TCF7L1: variants seen among roughly 807,000 people sequenced by gnomAD.
The protein encoded by TCF7L1 is transcription factor 7-like 1.
TCF7L1 carries 18 observed loss-of-function variants against 63.7 expected under a neutral mutation model. The ratio of observed to expected loss-of-function variants is 0.28; its 90% CI spans 0.20 to 0.42. The LOEUF (loss-of-function observed/expected upper bound fraction) is 0.42. TCF7L1 is among the 10% of genes least tolerant of loss of function. The pLI, the probability that TCF7L1 is intolerant of heterozygous loss-of-function variation, is 1.00. For synonymous variants in TCF7L1, 355 were observed against 340.9 expected (o/e 1.04, Z -0.46); for missense variants, 654 against 779.3 (o/e 0.84, Z 1.91).
intron 3 of TCF7L1, among the ~76,000 whole-genome samples, chr2:85,234,322 G>T (rs1680150906): frequency 6.6e-6 from 1 of 151,766 alleles, no homozygotes; most frequent in African/African-American, 2.4e-5. Flanking sequence ...TTTTAGTAGA[G>T]ATGGGTTTTC....
intron 4 of TCF7L1, among the ~76,000 whole-genome samples, chr2:85,284,155 CAT>C (rs1681486720): frequency 6.6e-6 from 1 of 152,226 alleles, no homozygotes; most frequent in Non-Finnish European, 1.5e-5. Context: ...GGACTACAGG[CAT>C]GTGCCACCAC....
chr2:85,298,197 A>AAAAAAAAAAAAAAAC (rs1681876878), intron 4 of TCF7L1, among the ~76,000 whole-genome samples: 1 of 145,654 alleles, frequency 6.9e-6, no homozygotes, highest in Non-Finnish European at 1.5e-5. Context: ...ATCTCAAAAA[A>AAAAAAAAAAAAAAAC]AAAAAAAAAG....
intron 3 of TCF7L1, among the ~76,000 whole-genome samples, chr2:85,180,471 G>A (rs1467354074): frequency 6.6e-6 from 1 of 151,926 alleles, no homozygotes; most frequent in East Asian, 1.9e-4. Flanking sequence ...GCTACACCCC[G>A]CACATTATCA....
chr2:85,267,680 G>T (rs535252332), intron 3 of TCF7L1, among the ~76,000 whole-genome samples: 1 of 150,478 alleles, frequency 6.6e-6, no homozygotes, highest in Admixed American at 6.6e-5. Context: ...GTTGGCTTTT[G>T]GGTTTGGGAT....
chr2:85,306,285 A>T lies in TCF7L1; in HGVS notation c.1069A>T (p.Met357Leu). ...KKPLNAFMLY[M>L]KEMRAKVVAE... Reference sequence around the variant, plus strand: ...GCCTCTGAATGCCTTCATGTTGTATATGAAGGAGATGAGGGCCAAGGTGGT... The same window carrying T: ...GCCTCTGAATGCCTTCATGTTGTATTTGAAGGAGATGAGGGCCAAGGTGGT... The change falls in exon 9 of 12, where the codon ATG becomes TTG. Residue 357 changes from methionine to leucine, a missense_variant. Met to Leu is a conservative substitution (Grantham distance 15). This residue lies in a region of TCF7L1 where 66 missense variants were observed against 120.5 expected (regional missense o/e 0.55). Transcript: ENST00000282111. The surrounding 1 kb of genome is among the most constrained non-coding windows in gnomAD (Gnocchi z 4.3). 2 of 1,614,222 alleles carry T rather than the reference A, an allele frequency of 1.2e-6. No individual in the cohort carries two copies. Among genetic ancestry groups the T allele is most frequent in the South Asian group, 2.2e-5 (2 of 91,082 alleles).
intron 3 of TCF7L1, among the ~76,000 whole-genome samples, chr2:85,193,534 A>G (rs1558629882): frequency 6.6e-6 from 1 of 152,190 alleles, no homozygotes; most frequent in African/African-American, 2.4e-5. Context: ...TTAAAAATAA[A>G]TAAGTAAATA....
chr2:85,300,783 CT>C (rs57906226), intron 4 of TCF7L1, among the ~76,000 whole-genome samples: 1,719 of 143,354 alleles, frequency 0.012, 8 homozygotes, highest in Non-Finnish European at 0.018. Flanking sequence ...TTACAAATCT[CT>C]TTTTTTTTTT....
At chr2:85,255,040 T>G (rs554042530) in intron 3 of TCF7L1, among the ~76,000 whole-genome samples, 19 of 152,238 alleles carry the variant, frequency 1.2e-4, no homozygotes, top group Non-Finnish European at 2.2e-4. Flanking sequence ...GACAACTACT[T>G]GGTGAAGCAG....
Position 85,157,894 on chromosome 2 carries a change from G to A in TCF7L1, c.441+23444G>A, listed in dbSNP as rs561978835. Among the ~76,000 whole-genome samples the A allele has an allele frequency of 7.2e-5, 11 of 152,312 alleles. No homozygotes were observed. The East Asian group carries it at 7.7e-4, about 11-fold the overall frequency. On this transcript the variant is annotated intron_variant, in intron 3 of 11. Transcript: ENST00000282111. ...TCCTTCCCTCCTTAAGGGAGGTCTCGGGGTTAATGCGAGGTGAGGGGCAGT... is the reference window on the plus strand; with the variant it reads ...TCCTTCCCTCCTTAAGGGAGGTCTCAGGGTTAATGCGAGGTGAGGGGCAGT...
At chr2:85,169,728 A>C (rs1369986355) in intron 3 of TCF7L1, among the ~76,000 whole-genome samples, 1 of 152,010 alleles carries the variant, frequency 6.6e-6, no homozygotes, top group East Asian at 1.9e-4. Flanking sequence ...GCTGCCATGT[A>C]CCTGCATCTG....
intron 3 of TCF7L1, among the ~76,000 whole-genome samples, chr2:85,250,843 G>A (rs1680571924): frequency 6.6e-6 from 1 of 152,212 alleles, no homozygotes; most frequent in African/African-American, 2.4e-5. Context: ...AGAAAGCCCT[G>A]AATGCACAGA....
intron 3 of TCF7L1, chr2:85,166,807 A>G (rs1008767240): frequency 6.6e-6 from 1 of 152,268 alleles, no homozygotes; most frequent in African/African-American, 2.4e-5. Flanking sequence ...CATCTGATTA[A>G]GTGGAAAGCT....
At chr2:85,257,375 G>A (rs908193643) in intron 3 of TCF7L1, among the ~76,000 whole-genome samples, 5 of 152,200 alleles carry the variant, frequency 3.3e-5, no homozygotes, top group Non-Finnish European at 7.3e-5. Context: ...GGAAGAACAG[G>A]TTCCCCGGCT....
chr2:85,266,104 C>T (rs1045155125), intron 3 of TCF7L1, among the ~76,000 whole-genome samples: 14 of 152,150 alleles, frequency 9.2e-5, no homozygotes, highest in Admixed American at 7.2e-4. Context: ...AGTGTAAACA[C>T]CTTTCTGTTT....
intron 3 of TCF7L1, among the ~76,000 whole-genome samples, chr2:85,275,697 T>A (rs1232471246): frequency 6.6e-6 from 1 of 152,004 alleles, no homozygotes; most frequent in Non-Finnish European, 1.5e-5. Context: ...GGCGGGCAGA[T>A]CACTTGAGCT....
chr2:85,249,967 A>C (rs1185744475), intron 3 of TCF7L1, among the ~76,000 whole-genome samples: 7 of 152,250 alleles, frequency 4.6e-5, no homozygotes, highest in African/African-American at 1.7e-4. Context: ...AGACAAAGAC[A>C]TAGGGACAGA....
chr2:85,239,491 A>G (rs976275167), intron 3 of TCF7L1, among the ~76,000 whole-genome samples: 2 of 152,216 alleles, frequency 1.3e-5, no homozygotes, highest in Non-Finnish European at 2.9e-5. Flanking sequence ...GCCCTGGAAG[A>G]TGCCATGCCC....
intron 3 of TCF7L1, among the ~76,000 whole-genome samples, chr2:85,174,641 C>A (rs1447815569): frequency 6.6e-6 from 1 of 152,212 alleles, no homozygotes; most frequent in African/African-American, 2.4e-5. Context: ...TGTGTTTTGA[C>A]TGGTGAGTCA....
At chr2:85,254,332 C>T (rs1680657216) in intron 3 of TCF7L1, among the ~76,000 whole-genome samples, 2 of 152,222 alleles carry the variant, frequency 1.3e-5, no homozygotes, top group Non-Finnish European at 1.5e-5. Context: ...TCAAAAGGAG[C>T]ACAGGTTTAT....
Sources: gnomAD v4.1 joint callset for allele counts (sites outside exome capture counted in the v4.1 genomes callset) on GRCh38, gnomAD v4.1.1 for gene constraint, gnomAD v4.1.1 regional missense constraint, Gnocchi (gnomAD v3.1) non-coding constraint, MANE v1.5 for transcripts, NCBI Gene and HGNC (gene_info 2026-07-23, HGNC 2026-07-21) for gene names.